The following TYW1B variants were observed in gnomAD, a reference collection of about 807,000 sequenced individuals.
TYW1B encodes the protein S-adenosyl-L-methionine-dependent tRNA 4-demethylwyosine synthase TYW1B.
A neutral mutation model predicts 86.9 loss-of-function variants in TYW1B; 73 were observed. The observed-to-expected ratio is 0.84, with a 90% CI of 0.70 to 1.02. The LOEUF (loss-of-function observed/expected upper bound fraction) is 1.02, where lower values mean the gene tolerates loss of function less well. TYW1B is among the 50% of genes least tolerant of loss of function. The pLI, the probability that TYW1B is intolerant of heterozygous loss-of-function variation, is 0.00. For missense variants in TYW1B, 637 were observed against 827.4 expected (o/e 0.77, Z 2.82); for synonymous variants, 248 against 292.8 (o/e 0.85, Z 1.56).
chr7:72,760,065 CA>C (rs1307289615), intron 7 of TYW1B, among the ~76,000 whole-genome samples: 1 of 151,994 alleles, frequency 6.6e-6, no homozygotes, highest in Non-Finnish European at 1.5e-5. Context: ...AAAGCCAAAA[CA>C]AAAAAACCCT....
At chr7:72,619,943 C>G (rs1812174965) in intron 12 of TYW1B, among the ~76,000 whole-genome samples, 1 of 152,070 alleles carries the variant, frequency 6.6e-6, no homozygotes, top group Admixed American at 6.6e-5. Flanking sequence ...TATTTTATTA[C>G]TCAGCAAAAA....
chr7:72,640,877 G>T (rs1311348596), intron 11 of TYW1B, among the ~76,000 whole-genome samples: 1 of 152,016 alleles, frequency 6.6e-6, no homozygotes, highest in Non-Finnish European at 1.5e-5. Context: ...CCTAGCAAAA[G>T]AAGAGTAAAT....
At chr7:72,746,972 G>A (rs1448350861) in intron 7 of TYW1B, among the ~76,000 whole-genome samples, 1 of 152,160 alleles carries the variant, frequency 6.6e-6, no homozygotes, top group Non-Finnish European at 1.5e-5. Flanking sequence ...TAAGGTGTGA[G>A]GTTTAAGACA....
At chr7:72,582,426 C>A (rs766427729) in intron 13 of TYW1B, among the ~76,000 whole-genome samples, 73 of 152,146 alleles carry the variant, frequency 4.8e-4, no homozygotes, top group Non-Finnish European at 9.3e-4. Flanking sequence ...GTAGGTCCAA[C>A]CTCAAAGGGG....
chr7:72,578,520 T>C (rs562618516), intron 13 of TYW1B, among the ~76,000 whole-genome samples: 2 of 152,110 alleles, frequency 1.3e-5, no homozygotes, highest in African/African-American at 2.4e-5. Context: ...ACTGGCTCCA[T>C]AGAATAGAAG....
intron 8 of TYW1B, among the ~76,000 whole-genome samples, chr7:72,735,442 C>A (rs1216483116): frequency 6.6e-6 from 1 of 151,802 alleles, no homozygotes; most frequent in Non-Finnish European, 1.5e-5. Context: ...CGTGGTGGCA[C>A]GAGCCTGTAA....
chr7:72,605,443 T>C (rs1811771630), intron 13 of TYW1B, among the ~76,000 whole-genome samples: 1 of 150,988 alleles, frequency 6.6e-6, no homozygotes, highest in South Asian at 2.1e-4. Flanking sequence ...AATCTCCGCC[T>C]CCCTGGTTGA....
intron 13 of TYW1B, among the ~76,000 whole-genome samples, chr7:72,610,395 A>C (rs1463104379): frequency 6.6e-6 from 1 of 151,930 alleles, no homozygotes; most frequent in Non-Finnish European, 1.5e-5. Context: ...ATAAATATGC[A>C]AGTAACATCA....
At chr7:72,694,626 T>C in intron 11 of TYW1B, 61 bp downstream of exon 11, 2 of 1,403,474 alleles carry the variant, frequency 1.4e-6, no homozygotes, top group Non-Finnish European at 1.9e-6. Context: ...CTTTCTTTCT[T>C]CTTAACTTCA....
intron 11 of TYW1B, among the ~76,000 whole-genome samples, chr7:72,692,746 G>A (rs1814202206): frequency 6.6e-6 from 1 of 152,170 alleles, no homozygotes; most frequent in South Asian, 2.1e-4. Context: ...TCCAGGAGGT[G>A]CACAGAATTT....
In TYW1B at chr7:72,703,725, C is replaced by T. The variant is rs558296794; in HGVS notation, c.1371-8903G>A. ...AAAAAAATTAGCTGGTGTGGTGGCGCGCGCCGGTAGTCCTAGCTACTGGGG... is the reference window on the plus strand; with the variant it reads ...AAAAAAATTAGCTGGTGTGGTGGCGTGCGCCGGTAGTCCTAGCTACTGGGG... On this transcript the variant is annotated intron_variant, in intron 10 of 13. Transcript: ENST00000620995. 8.6e-5 allele frequency among the ~76,000 whole-genome samples: 13 copies of T among 151,764 alleles called. No homozygotes were observed. The South Asian group carries it at 2.1e-3, about 24-fold the overall frequency.
chr7:72,771,606 CCT>C (rs1465162367), intron 7 of TYW1B, among the ~76,000 whole-genome samples: 1 of 152,090 alleles, frequency 6.6e-6, no homozygotes, highest in African/African-American at 2.4e-5. Flanking sequence ...AAGCTTCACC[CCT>C]GAGTGGCTCC....
intron 11 of TYW1B, among the ~76,000 whole-genome samples, chr7:72,657,846 T>A (rs1813240876): frequency 6.6e-6 from 1 of 152,190 alleles, no homozygotes; most frequent in Admixed American, 6.6e-5. Context: ...GAGTCCTATA[T>A]CTGGAAGTGA....
rs2129568418 is a variant in TYW1B, at chr7:72,616,721, A to G, written c.1736T>C (p.Ile579Thr). Residue 579 changes from isoleucine to threonine, a missense_variant, in exon 13 of 14, where the codon ATT becomes ACT. Physicochemically the swap from Ile to Thr is moderately conservative, Grantham distance 89. Transcript: ENST00000620995. ...ATTAGAGTGTTCGTGTTCACATGCAATTTCATATTCGGGGATCAGATCCAC... is the reference window on the plus strand; with the variant it reads ...ATTAGAGTGTTCGTGTTCACATGCAGTTTCATATTCGGGGATCAGATCCAC... ...ELVDLIPEYE[I>T]ACEHEHSNCL... 1 of 1,614,106 alleles carries G rather than the reference A, an allele frequency of 6.2e-7. No homozygotes were observed. The highest frequency in any genetic ancestry group is 2.2e-5 in the East Asian group (1 of 44,872).
At chr7:72,827,127 G>C in intron 1 of TYW1B, 142 bp from the exon 2 acceptor site, 2 of 1,180,358 alleles carry the variant, frequency 1.7e-6, no homozygotes, top group Non-Finnish European at 1.2e-6. Context: ...TCAACTGTTG[G>C]CCGGGCACAG....
At chr7:72,786,915 C>T (rs1788139654) in intron 6 of TYW1B, among the ~76,000 whole-genome samples, 1 of 151,796 alleles carries the variant, frequency 6.6e-6, no homozygotes, top group African/African-American at 2.4e-5. Flanking sequence ...GTAGAAAATA[C>T]AAAAATCTCT....
chr7:72,632,348 AT>A lies in TYW1B; in HGVS notation c.1507-3352del, dbSNP rs1384579954. Among the ~76,000 whole-genome samples, 2 of 123,692 alleles carry A rather than the reference AT, an allele frequency of 1.6e-5. 1 individual carries two copies. Among genetic ancestry groups the A allele is most frequent in the African/African-American group, 6.6e-5 (2 of 30,300 alleles). The allele number at this position is 123,692 out of a possible 152,430, so 81.1% of individuals were successfully genotyped here. ...ATATATATATACACGTATATATATT[AT>A]ATATATTATATATATACGCATATAT... is the stretch of plus-strand genomic sequence containing the variant. On this transcript the variant is annotated intron_variant, in intron 11 of 13. Transcript: ENST00000620995.
chr7:72,684,276 A>G (rs1237535264), intron 11 of TYW1B, among the ~76,000 whole-genome samples: 1 of 152,172 alleles, frequency 6.6e-6, no homozygotes, highest in Admixed American at 6.6e-5. Flanking sequence ...ACTATAGATA[A>G]GCATGTAAGT....
intron 11 of TYW1B, among the ~76,000 whole-genome samples, chr7:72,673,613 G>A (rs6460025): frequency 0.2 from 30,922 of 151,388 alleles, 3,547 homozygotes; most frequent in African/African-American, 0.36. Context: ...AGGGTAGTGG[G>A]GGTGTTGGGA....
Sources: gnomAD v4.1 joint callset for allele counts (sites outside exome capture counted in the v4.1 genomes callset) on GRCh38, gnomAD v4.1.1 for gene constraint, MANE v1.5 for transcripts, NCBI Gene and HGNC (gene_info 2026-07-23, HGNC 2026-07-21) for gene names.